Variants in DESI2 observed in about 807,000 individuals in gnomAD.
The protein encoded by DESI2 is deubiquitinase DESI2.
In DESI2, 10 loss-of-function variants were observed where a neutral mutation model predicts 24.1. The observed-to-expected ratio is 0.41, with a 90% CI of 0.26 to 0.70. The LOEUF (loss-of-function observed/expected upper bound fraction) is 0.70. Among genes scored for constraint, DESI2 ranks in the 30% least tolerant of loss-of-function variants. DESI2 has a pLI of 0.29. For synonymous variants in DESI2, 71 were observed against 87.7 expected, an observed-to-expected ratio of 0.81 and a Z score of 1.06; for missense variants, 122 against 234.9, an observed-to-expected ratio of 0.52 and a Z score of 3.14.
chr1:244,699,688 A>C (rs755924728), intron 4 of DESI2, among the ~76,000 whole-genome samples: 1 of 151,210 alleles, frequency 6.6e-6, no homozygotes, highest in Non-Finnish European at 1.5e-5. Flanking sequence ...GTAGAGGACA[A>C]TTTTTTAAAT....
intron 1 of DESI2, among the ~76,000 whole-genome samples, chr1:244,674,405 A>G (rs1676348276): frequency 6.6e-6 from 1 of 151,956 alleles, no homozygotes; most frequent in Non-Finnish European, 1.5e-5. Flanking sequence ...AAAATGTACA[A>G]TTCAGTGAAT....
At chr1:244,696,657 T>A (rs1407749447) in intron 4 of DESI2, among the ~76,000 whole-genome samples, 1 of 152,164 alleles carries the variant, frequency 6.6e-6, no homozygotes, top group Non-Finnish European at 1.5e-5. Context: ...AACAAGTTGG[T>A]TCCTATACAG....
At chr1:244,686,482 G>A in intron 1 of DESI2, 115 bp from the exon 2 acceptor site, 3 of 696,672 alleles carry the variant, frequency 4.3e-6, no homozygotes, top group Non-Finnish European at 7.7e-6. Flanking sequence ...CAGGACCACT[G>A]GATCGTTATC....
chr1:244,653,839 G>A, intron 1 of DESI2: 1 of 436,114 alleles, frequency 2.3e-6, no homozygotes, highest in Admixed American at 2.6e-5. Context: ...GAAGGTCACA[G>A]CTTTCGGGTG....
chr1:244,667,582 G>T (rs1037298559), intron 1 of DESI2, among the ~76,000 whole-genome samples: 1 of 152,202 alleles, frequency 6.6e-6, no homozygotes, highest in African/African-American at 2.4e-5. Flanking sequence ...AGCTAAAAAG[G>T]GGGTAGGATA....
intron 1 of DESI2, among the ~76,000 whole-genome samples, chr1:244,654,763 C>T (rs1675588154): frequency 6.6e-6 from 1 of 152,180 alleles, no homozygotes; most frequent in African/African-American, 2.4e-5. Context: ...TCTTTCAAGA[C>T]TCTTAACTGC....
intron 1 of DESI2, among the ~76,000 whole-genome samples, chr1:244,660,059 T>A (rs1271236955): frequency 6.6e-6 from 1 of 152,230 alleles, no homozygotes; most frequent in African/African-American, 2.4e-5. Context: ...TAATGGTGGA[T>A]AAAGTTAACA....
intron 1 of DESI2, among the ~76,000 whole-genome samples, chr1:244,685,148 T>C (rs1020950182): frequency 6.6e-6 from 1 of 152,196 alleles, no homozygotes; most frequent in Non-Finnish European, 1.5e-5. Context: ...TTTTATAAAA[T>C]AAAAAGTTGT....
At chr1:244,701,044 G>A (rs1677430916) in intron 4 of DESI2, among the ~76,000 whole-genome samples, 1 of 152,046 alleles carries the variant, frequency 6.6e-6, no homozygotes, top group Non-Finnish European at 1.5e-5. Flanking sequence ...TAAAATGTGA[G>A]AACAACAATA....
chr1:244,699,578 C>CAAAAAAAA lies in DESI2; in HGVS notation c.352-5947_352-5940dup, dbSNP rs559295405. Among the ~76,000 whole-genome samples, 50 of 66,212 alleles carry CAAAAAAAA rather than the reference C, an allele frequency of 7.6e-4. 1 individual carries two copies. Among genetic ancestry groups the CAAAAAAAA allele is most frequent in the Non-Finnish European group, 6.4e-4 (22 of 34,482 alleles). 43.4% of individuals were successfully genotyped at this position (66,212 alleles called of 152,430 possible). On this transcript the variant is annotated intron_variant, in intron 4 of 4. Transcript: ENST00000302550. The stretch of plus-strand genomic sequence containing the variant: ...GCCTAGCAACAGAGTGAGACTGTCT[C>CAAAAAAAA]AAAAAAAAAAAAAAAAAAAAAAAAA...
intron 1 of DESI2, among the ~76,000 whole-genome samples, chr1:244,682,421 A>G (rs1676648700): frequency 6.6e-6 from 1 of 152,218 alleles, no homozygotes. Context: ...TTTCTATTTC[A>G]AAGTTTAACT....
At chr1:244,672,323 C>T (rs1676274647) in intron 1 of DESI2, among the ~76,000 whole-genome samples, 1 of 152,130 alleles carries the variant, frequency 6.6e-6, no homozygotes, top group African/African-American at 2.4e-5. Flanking sequence ...CGGGACCTCC[C>T]CATTTCTCCA....
chr1:244,680,369 G>T (rs1676565565), intron 1 of DESI2, among the ~76,000 whole-genome samples: 1 of 151,876 alleles, frequency 6.6e-6, no homozygotes, highest in African/African-American at 2.4e-5. Flanking sequence ...AGCCCTGCCT[G>T]CAGTGAACCG....
intron 1 of DESI2, among the ~76,000 whole-genome samples, chr1:244,663,937 G>C (rs1013621292): frequency 1.4e-5 from 2 of 147,580 alleles, no homozygotes; most frequent in Non-Finnish European, 3.0e-5. Context: ...AGAATGGCGT[G>C]AACCTGGGAG....
intron 4 of DESI2, among the ~76,000 whole-genome samples, chr1:244,702,029 A>G (rs1044946653): frequency 1.3e-5 from 2 of 152,244 alleles, no homozygotes; most frequent in African/African-American, 2.4e-5. Flanking sequence ...TCATTTTGCT[A>G]TATAAACCAA....
intron 4 of DESI2, chr1:244,694,571 G>T: frequency 1.3e-6 from 1 of 795,308 alleles, no homozygotes. Flanking sequence ...TTTTAGCCTT[G>T]GCACTGCCGT....
chr1:244,699,884 A>G (rs1677376304), intron 4 of DESI2, among the ~76,000 whole-genome samples: 1 of 152,222 alleles, frequency 6.6e-6, no homozygotes, highest in Non-Finnish European at 1.5e-5. Context: ...TTTGAATTCA[A>G]ACAGCCTGCT....
chr1:244,691,651 A>G (rs922997541), intron 3 of DESI2, among the ~76,000 whole-genome samples: 1 of 152,256 alleles, frequency 6.6e-6, no homozygotes, highest in African/African-American at 2.4e-5. Context: ...GTGCTTTTGT[A>G]GTATTCATAG....
intron 1 of DESI2, among the ~76,000 whole-genome samples, chr1:244,666,394 GT>G (rs901985035): frequency 6.6e-6 from 1 of 151,308 alleles, no homozygotes; most frequent in Non-Finnish European, 1.5e-5. Flanking sequence ...TGCCTCATCA[GT>G]TTTTTTTTAC....
Sources: allele counts gnomAD v4.1 joint callset (sites outside exome capture counted in the v4.1 genomes callset), GRCh38; gene constraint gnomAD v4.1.1; transcripts MANE v1.5; gene names NCBI Gene and HGNC (gene_info 2026-07-23, HGNC 2026-07-21).